CROCC2: variants seen among roughly 807,000 people sequenced by gnomAD.
CROCC2 encodes ciliary rootlet coiled-coil protein 2.
In CROCC2, 163 loss-of-function variants were observed where a neutral mutation model predicts 177.6. The observed-to-expected ratio is 0.92, with a 90% confidence interval of 0.81 to 1.05. The LOEUF is 1.05. Ranked by LOEUF, CROCC2 falls within the 50% of genes least tolerant of loss-of-function variation. CROCC2 has a pLI of 0.00. For missense variants in CROCC2, 1,929 were observed against 1,797.8 expected, an observed-to-expected ratio of 1.07 and a Z score of -1.32; for synonymous variants, 904 against 787.3, an observed-to-expected ratio of 1.15 and a Z score of -2.48.
chr2:240,986,965 G>T (rs1382891631), intron 28 of CROCC2, among the ~76,000 whole-genome samples: 1 of 152,216 alleles, frequency 6.6e-6, no homozygotes, highest in Non-Finnish European at 1.5e-5. Flanking sequence ...AGCCCAGCCT[G>T]CCCAGGGAAC....
chr2:240,940,417 G>A (rs2059489275), intron 14 of CROCC2, among the ~76,000 whole-genome samples: 1 of 151,628 alleles, frequency 6.6e-6, no homozygotes, highest in Non-Finnish European at 1.5e-5. Context: ...ATTTTCTTAT[G>A]CTTAGTGTTT....
Position 240,932,922 on chromosome 2 carries a change from G to A in CROCC2, c.1251+14G>A. On this transcript the variant is annotated intron_variant, in intron 9 of 31. Transcript: ENST00000690015. ...CGGCGGGAACAGGTGGGCAGCCGCA[G>A]CCCACAGGACTCCCTGTCTCCCTGA... The A allele has an allele frequency of 6.5e-7, 1 of 1,543,978 alleles. No homozygotes were observed. Among genetic ancestry groups the A allele is most frequent in the East Asian group, 2.4e-5 (1 of 40,912 alleles).
In CROCC2 at chr2:240,930,261, C is replaced by T; in HGVS notation, c.741C>T (p.Ala247=). 1.8e-6 allele frequency: 1 copy of T among 544,012 alleles called. No individual in the cohort carries two copies. Among genetic ancestry groups the T allele is most frequent in the Non-Finnish European group, 3.4e-6 (1 of 296,362 alleles). The allele number at this position is 544,012 out of a possible 1,614,324, so 33.7% of individuals were successfully genotyped here. A position where few individuals can be genotyped will look rare whatever the true frequency, so the allele number is the denominator to read the frequency against. The change falls in exon 6 of 32, where the codon GCC becomes GCT. Residue 247 remains alanine, a synonymous_variant. Coordinates refer to ENST00000690015, the MANE Select transcript of CROCC2 (RefSeq NM_001351305.2). ...LGTDLAELRV[A]TERGLADLQA... is the part of the protein sequence containing the mutation. ...CAGACCTGGCCGAGCTGCGTGTAGC[C>T]ACTGAGAGGTGAGTGCCAGCCGCCC... is the stretch of plus-strand genomic sequence containing the variant.
chr2:240,941,285 T>G (rs1292458067), intron 14 of CROCC2, among the ~76,000 whole-genome samples: 1 of 152,130 alleles, frequency 6.6e-6, no homozygotes, highest in Admixed American at 6.5e-5. Flanking sequence ...TTCAATGCAA[T>G]TCCCATCAAA....
chr2:240,910,376 C>T lies in CROCC2; in HGVS notation c.78+3785C>T, dbSNP rs566963158. Among the ~76,000 whole-genome samples, 85 of 143,468 alleles carry T rather than the reference C, an allele frequency of 5.9e-4. 1 individual carries two copies. Among genetic ancestry groups the T allele is most frequent in the African/African-American group, 1.9e-3 (77 of 39,934 alleles). The allele number at this position is 143,468 out of a possible 152,430, so 94.1% of individuals were successfully genotyped here. On this transcript the variant is annotated intron_variant, in intron 1 of 31. Coordinates refer to ENST00000690015, the MANE Select transcript of CROCC2 (RefSeq NM_001351305.2). The stretch of plus-strand genomic sequence containing the variant: ...CAGAGCTGGGGGCTCCTCAGACTCC[C>T]GTTCCTTGGCTTGAATTTTGATTTG...
In CROCC2 at chr2:240,965,492, G is replaced by C. The variant is rs1183436182; in HGVS notation, c.3577G>C (p.Ala1193Pro). ...GCGGAGGCAGGCAGCCAAGGCAGAG[G>C]CCAAGCACGAGGGTGCCCGGAAGGA... ...ELRRQAAKAE[A>P]KHEGARKEVL... The change falls in exon 23 of 32, where the codon GCC (alanine) becomes CCC (proline). Residue 1193 changes from alanine (A) to proline (P), a missense_variant. By Grantham distance (27) the Ala-to-Pro change is conservative. Transcript: ENST00000690015. 6.5e-7 allele frequency: 1 copy of C among 1,550,210 alleles called. No homozygotes were observed. Among genetic ancestry groups the C allele is most frequent in the Non-Finnish European group, 8.7e-7 (1 of 1,146,996 alleles).
intron 28 of CROCC2, chr2:240,983,662 C>T: frequency 7.9e-7 from 1 of 1,262,070 alleles, no homozygotes; most frequent in African/African-American, 1.5e-5. Flanking sequence ...AGGCGCTGGC[C>T]CACGCATGCT....
chr2:240,950,546 C>T (rs1253411766), intron 18 of CROCC2, 36 bp downstream of exon 18: 4 of 1,523,500 alleles, frequency 2.6e-6, no homozygotes, highest in Admixed American at 2.0e-5. Flanking sequence ...GGATTGCTCA[C>T]ACCCACTGCA....
chr2:240,946,332 G>A (rs1446438695), intron 15 of CROCC2, 79 bp downstream of exon 15: 17 of 1,353,056 alleles, frequency 1.3e-5, no homozygotes, highest in Admixed American at 1.2e-4. Flanking sequence ...AGGGTATGGG[G>A]ACAATCGCAC....
At chr2:240,981,280 G>T (rs1398445579) in intron 27 of CROCC2, among the ~76,000 whole-genome samples, 29 of 150,316 alleles carry the variant, frequency 1.9e-4, no homozygotes, top group African/African-American at 7.2e-4. Context: ...TCCCTGCTCA[G>T]GCTCTGGGGT....
intron 19 of CROCC2, 144 bp from the exon 20 acceptor site, chr2:240,959,157 C>G: frequency 2.1e-6 from 2 of 935,896 alleles, no homozygotes; most frequent in Non-Finnish European, 3.1e-6. Flanking sequence ...GGGCCAGTTA[C>G]CCCGGGGCTT....
In CROCC2 at chr2:240,906,519, C is replaced by T. The variant is rs1250162815; in HGVS notation, c.6C>T (p.Ser2=). The T allele has an allele frequency of 2.5e-6, 1 of 399,030 alleles. No homozygotes were observed. The highest frequency in any genetic ancestry group is 2.1e-5 in the African/African-American group (1 of 48,642). 24.7% of individuals were successfully genotyped at this position (399,030 alleles called of 1,614,324 possible). Residue 2 remains serine (S), a synonymous_variant, in exon 1 of 32, where the codon AGC becomes AGT. Coordinates refer to ENST00000690015, the MANE Select transcript of CROCC2 (RefSeq NM_001351305.2). ...GTCCTGCGCTCTGGGCTGCAATGAG[C>T]TCTGCCTCCAGTGAGCCTGGCAATG... M[S]SASSEPGNGD...
chr2:240,989,290 T>C (rs1365695439), intron 29 of CROCC2, among the ~76,000 whole-genome samples: 1 of 152,104 alleles, frequency 6.6e-6, no homozygotes, highest in African/African-American at 2.4e-5. Context: ...CTGTCCACAT[T>C]GGACATACCC....
intron 2 of CROCC2, 121 bp from the exon 3 acceptor site, chr2:240,919,862 G>A (rs1319007076): frequency 1.7e-5 from 10 of 582,132 alleles, no homozygotes; most frequent in Non-Finnish European, 3.1e-5. Context: ...CAGGAGATGG[G>A]GGCAGGTCCA....
chr2:240,919,646 G>A (rs891671476), intron 2 of CROCC2, among the ~76,000 whole-genome samples: 120 of 152,226 alleles, frequency 7.9e-4, no homozygotes, highest in African/African-American at 2.8e-3. Context: ...AAGCAACAGG[G>A]CTCACAACTT....
In CROCC2 at chr2:240,917,751, A is replaced by G. The variant is rs909280582; in HGVS notation, c.79-975A>G. Reference sequence around the variant, plus strand: ...CTTTAGTAGTTAATTCACTGCCTGAAATTCAGATATCCTTAAGGCAGCAGG... The same window carrying G: ...CTTTAGTAGTTAATTCACTGCCTGAGATTCAGATATCCTTAAGGCAGCAGG... On this transcript the variant is annotated intron_variant, in intron 1 of 31. Coordinates refer to ENST00000690015, the MANE Select transcript of CROCC2 (RefSeq NM_001351305.2). This position sits in a 1 kb window ranked among gnomAD's most constrained non-coding sequence, Gnocchi z 4.9. 6.6e-6 allele frequency among the ~76,000 whole-genome samples: 1 copy of G among 152,152 alleles called. No homozygotes were observed. Among genetic ancestry groups the G allele is most frequent in the Non-Finnish European group, 1.5e-5 (1 of 68,008 alleles).
Position 240,917,234 on chromosome 2 carries a change from C to T in CROCC2, c.79-1492C>T, listed in dbSNP as rs1010747425. On this transcript the variant is annotated intron_variant, in intron 1 of 31. Transcript: ENST00000690015. This position sits in a 1 kb window ranked among gnomAD's most constrained non-coding sequence, Gnocchi z 4.9. ...GCTGCCCTTTGCAGGGCAGCAGAGT[C>T]GGAATAGGGCCTCTCCAGGCGCCAT... 9.9e-5 allele frequency among the ~76,000 whole-genome samples: 14 copies of T among 142,034 alleles called. No homozygotes were observed. In the East Asian group the frequency reaches 2.8e-3, roughly 29 times the overall value. 93.2% of individuals were successfully genotyped at this position (142,034 alleles called of 152,430 possible). A position where few individuals can be genotyped will look rare whatever the true frequency, so the allele number is the denominator to read the frequency against.
At chr2:240,926,577 C>G (rs1007236372) in intron 5 of CROCC2, among the ~76,000 whole-genome samples, 1 of 152,264 alleles carries the variant, frequency 6.6e-6, no homozygotes, top group African/African-American at 2.4e-5. Context: ...AAGGATTTCC[C>G]CAGGAAGACG....
At chr2:240,933,024 C>G in intron 9 of CROCC2, 107 bp from the exon 10 acceptor site, 1 of 1,016,638 alleles carries the variant, frequency 9.8e-7, no homozygotes, top group Non-Finnish European at 1.4e-6. Context: ...CAGGGAGGGG[C>G]CCCAGTGTCG....
Sources: allele counts gnomAD v4.1 joint callset (sites outside exome capture counted in the v4.1 genomes callset), GRCh38; gene constraint gnomAD v4.1.1; non-coding constraint Gnocchi (gnomAD v3.1); transcripts MANE v1.5; gene names NCBI Gene and HGNC (gene_info 2026-07-23, HGNC 2026-07-21).